LRP2: variants seen among roughly 807,000 people sequenced by gnomAD.
LRP2 encodes the protein LDL receptor related protein 2.
Under a neutral mutation model 531.0 loss-of-function variants are expected in LRP2, and 172 were observed. The observed-to-expected ratio is 0.32, with a 90% CI of 0.29 to 0.37. LRP2 has a LOEUF of 0.37. Ranked by LOEUF, LRP2 falls within the 10% of genes least tolerant of loss-of-function variation. The pLI is 1.00. For synonymous variants in LRP2, 1,992 were observed against 2,027.6 expected, an observed-to-expected ratio of 0.98 and a Z score of 0.47; for missense variants, 5,167 against 5,868.3, an observed-to-expected ratio of 0.88 and a Z score of 3.90.
At chr2:169,311,523 T>C (rs1454103712) in intron 3 of LRP2, among the ~76,000 whole-genome samples, 1 of 152,266 alleles carries the variant, frequency 6.6e-6, no homozygotes, top group African/African-American at 2.4e-5. Context: ...AGTGAGTTTC[T>C]TAATCCTGAG....
chr2:169,239,975 T>G (rs1037648651), intron 25 of LRP2, among the ~76,000 whole-genome samples, 200 bp from the exon 26 acceptor site: 6 of 152,206 alleles, frequency 3.9e-5, no homozygotes, highest in African/African-American at 7.2e-5. Flanking sequence ...TTTACCATCC[T>G]TCATATCCAT....
intron 48 of LRP2, among the ~76,000 whole-genome samples, chr2:169,189,571 T>C (rs1224938118): frequency 2.0e-5 from 3 of 152,160 alleles, no homozygotes; most frequent in African/African-American, 4.8e-5. Flanking sequence ...CACCAAATTG[T>C]CACCCCTCAG....
Position 169,132,643 on chromosome 2 carries a change from T to A in LRP2, c.13659A>T (p.Gly4553=), listed in dbSNP as rs1182021638. 1 of 1,607,928 alleles carries A rather than the reference T, an allele frequency of 6.2e-7. No individual in the cohort carries two copies. Among genetic ancestry groups the A allele is most frequent in the African/African-American group, 1.3e-5 (1 of 74,944 alleles). The change falls in exon 77 of 79, where the codon GGA becomes GGT. Residue 4553 remains glycine, a synonymous_variant. Coordinates refer to ENST00000649046, the MANE Select transcript of LRP2 (RefSeq NM_004525.3). ...VSENVDNKNY[G]SPINPSEIVP... ...CTATCTCAGAAGGGTTTATGGGACTTCCATAATTCTTATTATCCACATTTT... is the reference window on the plus strand; with the variant it reads ...CTATCTCAGAAGGGTTTATGGGACTACCATAATTCTTATTATCCACATTTT...
rs2105337164 is a variant in LRP2 at position 169,209,566 on chromosome 2, G to A, written c.6356C>T (p.Ala2119Val). Reference sequence around the variant, plus strand: ...AATTCTACGGATCGCATTATCAGATGCCACTGAGCTGCTAAAATCACACCA... The same window carrying A: ...AATTCTACGGATCGCATTATCAGATACCACTGAGCTGCTAAAATCACACCA... ...IYWCDFSSSVASDNAIRRIKP... is the reference protein window; with the variant it reads ...IYWCDFSSSVVSDNAIRRIKP... Residue 2119 changes from alanine to valine, a missense_variant, in exon 38 of 79, where the codon GCA becomes GTA. Physicochemically the swap from Ala to Val is moderately conservative, Grantham distance 64 (BLOSUM62 0). Around this residue, in one of 6 missense-constraint regions of LRP2, gnomAD observed 2,811 missense variants for 3,058.0 expected, o/e 0.92. Coordinates refer to ENST00000649046, the MANE Select transcript of LRP2 (RefSeq NM_004525.3). 1 of 1,614,094 alleles carries A rather than the reference G, an allele frequency of 6.2e-7. No homozygotes were observed.
chr2:169,235,984 A>T lies in LRP2; in HGVS notation c.4776T>A (p.Ile1592=), dbSNP rs748278367. Reference sequence around the variant, plus strand: ...AGGGCCAGAAGATCTTGTCCTGGACAATGACAGTGCGCATGCTGCCGTCCA... The same window carrying T: ...AGGGCCAGAAGATCTTGTCCTGGACTATGACAGTGCGCATGCTGCCGTCCA... ...ASMDGSMRTV[I]VQDKIFWPCG... The change falls in exon 29 of 79, where the codon ATT becomes ATA. Residue 1592 remains isoleucine (I), a synonymous_variant. Transcript: ENST00000649046. 1.2e-6 allele frequency: 2 copies of T among 1,614,232 alleles called. No homozygotes were observed. The highest frequency in any genetic ancestry group is 2.2e-5 in the South Asian group (2 of 91,086).
At chr2:169,311,178 G>A (rs1394439682) in intron 3 of LRP2, among the ~76,000 whole-genome samples, 3 of 152,028 alleles carry the variant, frequency 2.0e-5, no homozygotes, top group Admixed American at 1.3e-4. Context: ...TTTTTTGAAG[G>A]GTTTTTTGTG....
At chr2:169,243,336 T>A in intron 23 of LRP2, 67 bp downstream of exon 23, 1 of 1,585,604 alleles carries the variant, frequency 6.3e-7, no homozygotes. Context: ...CCTCCCTGTG[T>A]CCATGTGTTA....
intron 3 of LRP2, among the ~76,000 whole-genome samples, chr2:169,310,589 T>C (rs979173748): frequency 6.6e-6 from 1 of 152,248 alleles, no homozygotes; most frequent in African/African-American, 2.4e-5. Flanking sequence ...GATGTGCTGC[T>C]GGATTGGGTT....
intron 75 of LRP2, among the ~76,000 whole-genome samples, chr2:169,137,977 C>G (rs1234422725): frequency 1.3e-5 from 2 of 152,160 alleles, no homozygotes; most frequent in Non-Finnish European, 2.9e-5. Flanking sequence ...AGAAAGCCCC[C>G]TCAGTGCCAA....
rs116700365 is a variant in LRP2 at position 169,173,595 on chromosome 2, C to T, written c.11014+324G>A. On this transcript the variant is annotated intron_variant, in intron 56 of 78. Coordinates refer to ENST00000649046, the MANE Select transcript of LRP2 (RefSeq NM_004525.3). ...GTAAAATGGAATTGGTTCACACCCACCTTCCCTACCTCATAACATTTCTCT... is the reference window on the plus strand; with the variant it reads ...GTAAAATGGAATTGGTTCACACCCATCTTCCCTACCTCATAACATTTCTCT... Among the ~76,000 whole-genome samples the T allele has an allele frequency of 9.5e-3, 1,446 of 152,248 alleles. 22 individuals carry two copies. The highest frequency in any genetic ancestry group is 0.033 in the African/African-American group (1,376 of 41,534).
chr2:169,285,582 G>C (rs920247123), intron 9 of LRP2, among the ~76,000 whole-genome samples: 4 of 151,852 alleles, frequency 2.6e-5, no homozygotes, highest in Admixed American at 6.6e-5. Context: ...AACAAATACT[G>C]CTGTGAAAAT....
intron 20 of LRP2, 105 bp downstream of exon 20, chr2:169,247,273 G>A (rs1690045434): frequency 8.3e-7 from 1 of 1,211,708 alleles, no homozygotes; most frequent in Admixed American, 2.2e-5. Context: ...AAAACTACCA[G>A]GAGCTAGACC....
chr2:169,308,141 T>C (rs1267089000), intron 3 of LRP2, among the ~76,000 whole-genome samples: 3 of 152,178 alleles, frequency 2.0e-5, no homozygotes, highest in Non-Finnish European at 4.4e-5. Flanking sequence ...CGTGATCATC[T>C]AAAAAATATA....
At chr2:169,284,117 G>A (rs746526041) in intron 9 of LRP2, among the ~76,000 whole-genome samples, 3 of 152,024 alleles carry the variant, frequency 2.0e-5, no homozygotes, top group Non-Finnish European at 2.9e-5. Flanking sequence ...GAATTCTCCA[G>A]ATTTCTATGA....
intron 3 of LRP2, 66 bp from the exon 4 acceptor site, chr2:169,307,463 T>C: frequency 4.2e-6 from 4 of 945,624 alleles, no homozygotes; most frequent in Non-Finnish European, 6.8e-6. Context: ...TCTATTGTCA[T>C]TAACAAGGAT....
intron 4 of LRP2, among the ~76,000 whole-genome samples, chr2:169,297,122 C>T (rs934808369): frequency 2.0e-5 from 3 of 152,084 alleles, no homozygotes; most frequent in Admixed American, 6.6e-5. Context: ...GAATGGTTTT[C>T]CCTCTTTGGA....
chr2:169,361,373 TCTCC>T (rs1163051456), intron 1 of LRP2, among the ~76,000 whole-genome samples: 3,875 of 65,802 alleles, frequency 0.059, 199 homozygotes, highest in African/African-American at 0.074. Context: ...TCTCTCTCTC[TCTCC>T]CTCTCTCTCT....
chr2:169,225,421 G>C lies in LRP2; in HGVS notation c.5427C>G (p.Thr1809=). 6.2e-7 allele frequency: 1 copy of C among 1,613,994 alleles called. No homozygotes were observed. The highest frequency in any genetic ancestry group is 8.5e-7 in the Non-Finnish European group (1 of 1,179,934). ...GEIHRVKTDG[T]NRTVFASISM... is the part of the protein sequence containing the mutation. ...ATATAGAAGCAAATACTGTCCTGTT[G>C]GTGCCATCTGTCTTCACTCTGTGAA... The change falls in exon 33 of 79, where the codon ACC becomes ACG. Residue 1809 remains threonine (T), a synonymous_variant. Coordinates refer to ENST00000649046, the MANE Select transcript of LRP2 (RefSeq NM_004525.3).
chr2:169,213,211 C>G (rs1417975209), intron 36 of LRP2, among the ~76,000 whole-genome samples: 1 of 152,088 alleles, frequency 6.6e-6, no homozygotes, highest in East Asian at 1.9e-4. Context: ...AAATTCCATC[C>G]CATTAGCACT....
Sources: allele counts gnomAD v4.1 joint callset (sites outside exome capture counted in the v4.1 genomes callset), GRCh38; gene constraint gnomAD v4.1.1; regional missense constraint gnomAD v4.1.1; transcripts MANE v1.5; gene names NCBI Gene and HGNC (gene_info 2026-07-23, HGNC 2026-07-21).